Variants in NSUN3 observed in about 807,000 individuals in gnomAD.
The protein encoded by NSUN3 is tRNA (cytosine(34)-C(5))-methyltransferase, mitochondrial.
In NSUN3, 24 loss-of-function variants were observed where a neutral mutation model predicts 36.8. That is an observed-to-expected ratio of 0.65 (90% CI 0.47 to 0.92). NSUN3 has a LOEUF of 0.92. NSUN3 is among the 40% of genes least tolerant of loss of function. NSUN3 has a pLI of 0.00. For synonymous variants in NSUN3, 146 were observed against 145.2 expected (o/e 1.01, Z -0.04); for missense variants, 381 against 392.8 (o/e 0.97, Z 0.25).
chr3:94,116,985 C>CTTTT lies in NSUN3; in HGVS notation c.744-9200_744-9197dup, dbSNP rs60234250. ...TTTAAGCCAAGTGAATCTGCCACAACTTTTTTTTTTTTTTTTTTTTTTTTT... is the reference window on the plus strand; with the variant it reads ...TTTAAGCCAAGTGAATCTGCCACAACTTTTTTTTTTTTTTTTTTTTTTTTTTTTT... On this transcript the variant is annotated intron_variant, in intron 5 of 5. Transcript: ENST00000314622. 2.0e-4 allele frequency among the ~76,000 whole-genome samples: 13 copies of CTTTT among 63,958 alleles called. 2 individuals carry two copies. The highest frequency in any genetic ancestry group is 1.9e-4 in the Non-Finnish European group (7 of 36,278). 42.0% of individuals were successfully genotyped at this position (63,958 alleles called of 152,430 possible). A position where few individuals can be genotyped will look rare whatever the true frequency, so the allele number is the denominator to read the frequency against.
intron 5 of NSUN3, among the ~76,000 whole-genome samples, chr3:94,118,746 G>C (rs143715536): frequency 4.0e-5 from 6 of 151,642 alleles, no homozygotes; most frequent in African/African-American, 1.5e-4. Flanking sequence ...CACAAGCATA[G>C]AGAACCCAAC....
Position 94,095,262 on chromosome 3 carries a change from G to A in NSUN3, c.743+108G>A. 3 of 1,064,084 alleles carry A rather than the reference G, an allele frequency of 2.8e-6. No homozygotes were observed. In the South Asian group the frequency reaches 4.6e-5, roughly 16 times the overall value. The allele number at this position is 1,064,084 out of a possible 1,614,324, so 65.9% of individuals were successfully genotyped here. ...GAGGGCTTGCTGTGTAGGTGTCAAT[G>A]ATTATTCCTCCAAAGGCTACACTCA... On this transcript the variant is annotated intron_variant, in intron 5 of 5. Coordinates refer to ENST00000314622, the MANE Select transcript of NSUN3 (RefSeq NM_022072.5).
At chr3:94,067,043 G>A (rs2077206499) in intron 2 of NSUN3, among the ~76,000 whole-genome samples, 1 of 152,238 alleles carries the variant, frequency 6.6e-6, no homozygotes, top group Admixed American at 6.5e-5. Context: ...ATAATCTAAC[G>A]ATGTGATTTA....
At chr3:94,080,739 C>T (rs529265596) in intron 2 of NSUN3, among the ~76,000 whole-genome samples, 3 of 152,270 alleles carry the variant, frequency 2.0e-5, no homozygotes, top group African/African-American at 4.8e-5. Flanking sequence ...TCAGTAATGG[C>T]GGACGCCCCT....
At chr3:94,082,837 T>TA (rs2077275555) in intron 2 of NSUN3, among the ~76,000 whole-genome samples, 1 of 152,186 alleles carries the variant, frequency 6.6e-6, no homozygotes, top group Admixed American at 6.5e-5. Flanking sequence ...AAGTGGTTTT[T>TA]AAATCATCCT....
In NSUN3 at chr3:94,127,148, C is replaced by A. The variant is rs1393555762; in HGVS notation, c.*658C>A. ...GAAAGGGTAAATTATATTGAAAGGC[C>A]TTTAGAACAGCAGATTCACATGCAC... On this transcript the variant is annotated 3_prime_UTR_variant, in exon 6 of 6. Transcript: ENST00000314622. The A allele has an allele frequency of 6.6e-6, 1 of 152,020 alleles. No individual in the cohort carries two copies. Among genetic ancestry groups the A allele is most frequent in the Non-Finnish European group, 1.5e-5 (1 of 68,024 alleles). The allele number at this position is 152,020 out of a possible 1,614,324, so 9.4% of individuals were successfully genotyped here.
chr3:94,091,841 C>CA (rs2077316336), intron 3 of NSUN3, among the ~76,000 whole-genome samples: 1 of 152,184 alleles, frequency 6.6e-6, no homozygotes, highest in Non-Finnish European at 1.5e-5. Flanking sequence ...CTTGTGGACC[C>CA]AGCTTATGCA....
chr3:94,097,266 T>C (rs188233522), intron 5 of NSUN3, among the ~76,000 whole-genome samples: 1 of 152,296 alleles, frequency 6.6e-6, no homozygotes, highest in East Asian at 1.9e-4. Flanking sequence ...ATATCAGCTT[T>C]CTTCTCAGAG....
At chr3:94,076,643 T>C in intron 2 of NSUN3, 3 of 1,029,950 alleles carry the variant, frequency 2.9e-6, no homozygotes. Flanking sequence ...ATAGCCTTTT[T>C]TCTGATGTCC....
chr3:94,097,801 G>T (rs1019701883), intron 5 of NSUN3, among the ~76,000 whole-genome samples: 2 of 151,766 alleles, frequency 1.3e-5, no homozygotes, highest in African/African-American at 4.8e-5. Context: ...TATTTAACTC[G>T]CTCCTCATCA....
rs150982164 is a variant in NSUN3 at position 94,063,936 on chromosome 3, C to T, written c.13-501C>T. On this transcript the variant is annotated intron_variant, in intron 1 of 5. Transcript: ENST00000314622. ...CGATCTCGGCTCACTGCAACCTCCA[C>T]CTCCTGAGTTCAAGCGATTCTCCCA... 3.1e-4 allele frequency: 48 copies of T among 155,262 alleles called. No homozygotes were observed. In the East Asian group the frequency reaches 9.1e-3, roughly 30 times the overall value. 9.6% of individuals were successfully genotyped at this position (155,262 alleles called of 1,614,324 possible). A position where few individuals can be genotyped will look rare whatever the true frequency, so the allele number is the denominator to read the frequency against.
intron 3 of NSUN3, among the ~76,000 whole-genome samples, chr3:94,087,450 G>A (rs1003741193): frequency 2.0e-5 from 3 of 152,156 alleles, no homozygotes; most frequent in African/African-American, 7.2e-5. Context: ...TGGTTCAGCT[G>A]CTCTCACCTG....
At chr3:94,085,649 C>T (rs895357345) in intron 3 of NSUN3, among the ~76,000 whole-genome samples, 1 of 152,086 alleles carries the variant, frequency 6.6e-6, no homozygotes, top group Non-Finnish European at 1.5e-5. Context: ...GTCCCAGCTA[C>T]TCGGGAGGCT....
intron 2 of NSUN3, among the ~76,000 whole-genome samples, chr3:94,064,771 C>A (rs1000070825): frequency 6.6e-6 from 1 of 152,122 alleles, no homozygotes; most frequent in Non-Finnish European, 1.5e-5. Context: ...CAAATTGTTA[C>A]GCCTTTGCTT....
At chr3:94,117,106 C>A (rs186230361) in intron 5 of NSUN3, among the ~76,000 whole-genome samples, 2 of 142,750 alleles carry the variant, frequency 1.4e-5, no homozygotes, top group East Asian at 4.3e-4. Context: ...TCAAGTGATT[C>A]TCCTGTCTTA....
rs1333342267 is a variant in NSUN3 at position 94,094,021 on chromosome 3, G to A, written c.467-119G>A. 11 of 695,494 alleles carry A rather than the reference G, an allele frequency of 1.6e-5. No individual in the cohort carries two copies. The East Asian group carries it at 3.0e-4, about 19-fold the overall frequency. 43.1% of individuals were successfully genotyped at this position (695,494 alleles called of 1,614,324 possible). ...TAAGAAAATAATAATGTTTACCTCT[G>A]AGCCCTATTTCTGCATAATTATGAT... On this transcript the variant is annotated intron_variant, in intron 3 of 5. Transcript: ENST00000314622.
At chr3:94,107,347 G>A (rs988216865) in intron 5 of NSUN3, among the ~76,000 whole-genome samples, 1 of 152,106 alleles carries the variant, frequency 6.6e-6, no homozygotes, top group Non-Finnish European at 1.5e-5. Context: ...TCGTCCAGGA[G>A]TGCAGTGGTG....
At position 94,130,442 on chromosome 3, in the gene NSUN3, A is replaced by G. The variant is rs1409855697; in HGVS notation, c.*3952A>G. Reference sequence around the variant, plus strand: ...TCCATTGATTGGAGTGCATCCTTAGAAAACTGAAAATAACAAAAACCCAGG... The same window carrying G: ...TCCATTGATTGGAGTGCATCCTTAGGAAACTGAAAATAACAAAAACCCAGG... On this transcript the variant is annotated 3_prime_UTR_variant, in exon 6 of 6. Transcript: ENST00000314622. Among the ~76,000 whole-genome samples the G allele has an allele frequency of 6.6e-6, 1 of 152,212 alleles. No homozygotes were observed. The highest frequency in any genetic ancestry group is 1.5e-5 in the Non-Finnish European group (1 of 68,042).
At chr3:94,088,068 C>CT (rs1231197428) in intron 3 of NSUN3, among the ~76,000 whole-genome samples, 1 of 152,110 alleles carries the variant, frequency 6.6e-6, no homozygotes, top group African/African-American at 2.4e-5. Flanking sequence ...ATCTCTAGTC[C>CT]TTTTTGCACA....
Sources: gnomAD v4.1 joint callset for allele counts (sites outside exome capture counted in the v4.1 genomes callset) on GRCh38, gnomAD v4.1.1 for gene constraint, MANE v1.5 for transcripts, NCBI Gene and HGNC (gene_info 2026-07-23, HGNC 2026-07-21) for gene names.